The following SPEF2 variants were observed in gnomAD, a reference collection of about 807,000 sequenced individuals.
The protein encoded by SPEF2 is sperm flagella and cilia-associated protein 2.
Under a neutral mutation model 224.6 loss-of-function variants are expected in SPEF2, and 187 were observed. The ratio of observed to expected loss-of-function variants is 0.83; its 90% confidence interval spans 0.74 to 0.94. The LOEUF is 0.94. Ranked by LOEUF, SPEF2 falls within the 40% of genes least tolerant of loss-of-function variation. The pLI is 0.00. For synonymous variants in SPEF2, 715 were observed against 707.3 expected (o/e 1.01, Z -0.17); for missense variants, 2,170 against 2,135.6 (o/e 1.02, Z -0.32).
intron 20 of SPEF2, among the ~76,000 whole-genome samples, chr5:35,717,925 A>C (rs1354065523): frequency 1.3e-5 from 2 of 152,202 alleles, no homozygotes; most frequent in Non-Finnish European, 2.9e-5. Flanking sequence ...GTTTTGGGGA[A>C]ATGGCAGTCA....
chr5:35,799,104 T>A (rs750257303), intron 33 of SPEF2, among the ~76,000 whole-genome samples: 9 of 152,226 alleles, frequency 5.9e-5, no homozygotes, highest in Non-Finnish European at 1.2e-4. Context: ...ACATTAAAAG[T>A]ACCTGGAACC....
At chr5:35,666,375 G>A (rs546726332) in intron 8 of SPEF2, among the ~76,000 whole-genome samples, 1 of 152,254 alleles carries the variant, frequency 6.6e-6, no homozygotes, top group East Asian at 1.9e-4. Flanking sequence ...TACCTTGTGT[G>A]AAGAAAAGAT....
chr5:35,670,436 G>A (rs570167069), intron 10 of SPEF2: 10 of 1,196,586 alleles, frequency 8.4e-6, no homozygotes, highest in Admixed American at 4.5e-5. Context: ...GTAATCTTAG[G>A]GGAGTGGTCT....
intron 20 of SPEF2, among the ~76,000 whole-genome samples, chr5:35,713,737 A>ATG (rs1342398926): frequency 1.7e-5 from 1 of 59,898 alleles, no homozygotes; most frequent in East Asian, 5.0e-4. Context: ...GTCTCAAAAT[A>ATG]TATATATATA....
rs1743267216 is a variant in SPEF2, at chr5:35,619,925, G to A, written c.58+1870G>A. Among the ~76,000 whole-genome samples, 4 of 152,090 alleles carry A rather than the reference G, an allele frequency of 2.6e-5. No individual in the cohort carries two copies. In the South Asian group the frequency reaches 8.3e-4, roughly 32 times the overall value. On this transcript the variant is annotated intron_variant, in intron 1 of 36. Coordinates refer to ENST00000356031, the MANE Select transcript of SPEF2 (RefSeq NM_024867.4). Reference sequence around the variant, plus strand: ...AGAATTTTAACAACATTTAGGCTATGGATAGAAAATTCCTGGCGTCTGTGC... The same window carrying A: ...AGAATTTTAACAACATTTAGGCTATAGATAGAAAATTCCTGGCGTCTGTGC...
intron 2 of SPEF2, among the ~76,000 whole-genome samples, chr5:35,640,479 T>C (rs1746473083): frequency 6.6e-6 from 1 of 152,180 alleles, no homozygotes; most frequent in Non-Finnish European, 1.5e-5. Context: ...CCTCAAAACA[T>C]GGTCTGCTTT....
At chr5:35,703,848 T>C (rs1739196598) in intron 16 of SPEF2, among the ~76,000 whole-genome samples, 1 of 152,248 alleles carries the variant, frequency 6.6e-6, no homozygotes, top group Non-Finnish European at 1.5e-5. Context: ...TACTATATCC[T>C]GTGAGGGTTC....
chr5:35,786,956 A>T (rs1280246270), intron 30 of SPEF2, among the ~76,000 whole-genome samples: 1 of 152,206 alleles, frequency 6.6e-6, no homozygotes, highest in African/African-American at 2.4e-5. Context: ...CATATATTCA[A>T]TTTTTTATTA....
At chr5:35,666,767 A>G (rs1441110330) in intron 8 of SPEF2, among the ~76,000 whole-genome samples, 1 of 152,182 alleles carries the variant, frequency 6.6e-6, no homozygotes, top group Non-Finnish European at 1.5e-5. Context: ...CGGTGAACTC[A>G]GGACTTCTTT....
chr5:35,725,079 G>A (rs1480695047), intron 20 of SPEF2, among the ~76,000 whole-genome samples: 2 of 152,186 alleles, frequency 1.3e-5, no homozygotes, highest in Middle Eastern at 3.2e-3. Context: ...TTTTTCAACC[G>A]TGAGTTCTGA....
At chr5:35,664,525 CA>C (rs966266304) in intron 8 of SPEF2, among the ~76,000 whole-genome samples, 45 of 152,080 alleles carry the variant, frequency 3.0e-4, no homozygotes, top group African/African-American at 1.1e-3. Context: ...ACTAAAAATA[CA>C]AAAATTAGCC....
chr5:35,703,248 C>T lies in SPEF2; in HGVS notation c.2399-1306C>T, dbSNP rs912221710. 2.6e-5 allele frequency among the ~76,000 whole-genome samples: 4 copies of T among 151,350 alleles called. No individual in the cohort carries two copies. The South Asian group carries it at 8.3e-4, about 32-fold the overall frequency. On this transcript the variant is annotated intron_variant, in intron 16 of 36. Coordinates refer to ENST00000356031, the MANE Select transcript of SPEF2 (RefSeq NM_024867.4). ...TTCAAAGATGCCTACCAGCAAAAGTCTTAAAAAAATGATATCATTTAAGGC... is the reference window on the plus strand; with the variant it reads ...TTCAAAGATGCCTACCAGCAAAAGTTTTAAAAAAATGATATCATTTAAGGC...
At chr5:35,682,418 C>T (rs571531012) in intron 10 of SPEF2, among the ~76,000 whole-genome samples, 101 of 152,214 alleles carry the variant, frequency 6.6e-4, no homozygotes, top group African/African-American at 2.2e-3. Flanking sequence ...TGTTGTATCC[C>T]CTTAGAAGGT....
chr5:35,812,822 G>A (rs528641024), intron 36 of SPEF2, among the ~76,000 whole-genome samples: 4 of 152,300 alleles, frequency 2.6e-5, no homozygotes, highest in South Asian at 2.1e-4. Flanking sequence ...TTATAAGTGC[G>A]AACTGAAGGA....
intron 28 of SPEF2, among the ~76,000 whole-genome samples, chr5:35,774,965 C>T (rs1325896290): frequency 6.6e-6 from 1 of 152,184 alleles, no homozygotes; most frequent in Non-Finnish European, 1.5e-5. Context: ...TATACTTCAT[C>T]TTTCAGTTCA....
intron 23 of SPEF2, among the ~76,000 whole-genome samples, chr5:35,751,092 C>CATATAT (rs1270915602): frequency 5.5e-5 from 3 of 54,728 alleles, no homozygotes; most frequent in African/African-American, 2.2e-4. Flanking sequence ...CACACACACA[C>CATATAT]ACACATATAT....
chr5:35,745,399 G>C (rs1020325411), intron 23 of SPEF2, among the ~76,000 whole-genome samples: 5 of 152,188 alleles, frequency 3.3e-5, no homozygotes, highest in Non-Finnish European at 2.9e-5. Flanking sequence ...TTCTTTCACA[G>C]CTCGGAGGTG....
intron 10 of SPEF2, among the ~76,000 whole-genome samples, chr5:35,679,664 A>C (rs1459208476): frequency 6.6e-6 from 1 of 152,228 alleles, no homozygotes; most frequent in Non-Finnish European, 1.5e-5. Flanking sequence ...GCTGTAGAGC[A>C]GATTGTACGT....
intron 32 of SPEF2, among the ~76,000 whole-genome samples, chr5:35,794,463 T>C (rs1756391953): frequency 6.6e-6 from 1 of 152,152 alleles, no homozygotes; most frequent in Admixed American, 6.5e-5. Context: ...ACACAAACTA[T>C]GACAAGGCTC....
Sources: allele counts gnomAD v4.1 joint callset (sites outside exome capture counted in the v4.1 genomes callset), GRCh38; gene constraint gnomAD v4.1.1; transcripts MANE v1.5; gene names NCBI Gene and HGNC (gene_info 2026-07-23, HGNC 2026-07-21).